Variants in KCNK2 observed in about 807,000 individuals in gnomAD.
KCNK2 encodes the protein potassium two pore domain channel subfamily K member 2.
In KCNK2, 21 loss-of-function variants were observed where a neutral mutation model predicts 40.5. The ratio of observed to expected loss-of-function variants is 0.52; its 90% CI spans 0.37 to 0.75. KCNK2 has a LOEUF of 0.75. Among genes scored for constraint, KCNK2 ranks in the 30% least tolerant of loss-of-function variants. The pLI is 0.00. For missense variants in KCNK2, 399 were observed against 531.6 expected, an observed-to-expected ratio of 0.75 and a Z score of 2.45; for synonymous variants, 191 against 202.2, an observed-to-expected ratio of 0.94 and a Z score of 0.47.
At chr1:215,071,830 C>T (rs911122850) in intron 1 of KCNK2, among the ~76,000 whole-genome samples, 3 of 152,086 alleles carry the variant, frequency 2.0e-5, no homozygotes, top group Non-Finnish European at 2.9e-5. Context: ...CAATAGAAGA[C>T]AGGTCCCATA....
At chr1:215,168,755 G>C (rs1057142551) in intron 3 of KCNK2, among the ~76,000 whole-genome samples, 1 of 151,872 alleles carries the variant, frequency 6.6e-6, no homozygotes, top group East Asian at 1.9e-4. Context: ...AATGTATGCA[G>C]GGCTTAAAAC....
chr1:215,175,905 G>A (rs138090406), intron 5 of KCNK2, among the ~76,000 whole-genome samples: 55 of 152,208 alleles, frequency 3.6e-4, no homozygotes, highest in African/African-American at 1.3e-3. Context: ...CACCACTGAT[G>A]GACACTTGGA....
intron 2 of KCNK2, among the ~76,000 whole-genome samples, chr1:215,094,682 G>T (rs1173326011): frequency 6.6e-6 from 1 of 151,728 alleles, no homozygotes; most frequent in Non-Finnish European, 1.5e-5. Context: ...TTAATAATTA[G>T]GTTTTTATTA....
At chr1:215,146,408 T>C (rs1222512801) in intron 3 of KCNK2, among the ~76,000 whole-genome samples, 3 of 152,172 alleles carry the variant, frequency 2.0e-5, no homozygotes, top group Non-Finnish European at 4.4e-5. Flanking sequence ...AGGATTTTAT[T>C]ATGTAAGTTG....
At chr1:215,171,902 TTCTCTCTCTCTCTCTTTGTCTCTCTC>T in intron 4 of KCNK2, 69 bp from the exon 5 acceptor site, 2 of 787,748 alleles carry the variant, frequency 2.5e-6, no homozygotes, top group Non-Finnish European at 3.6e-6. Context: ...TACAAGTAAT[TTCTCTCTCTCTCTCTTTGTCTCTCTC>T]TCTCTCTCTC....
chr1:215,055,120 T>C (rs2102502527), intron 1 of KCNK2, among the ~76,000 whole-genome samples: 1 of 152,346 alleles, frequency 6.6e-6, no homozygotes, highest in South Asian at 2.1e-4. Context: ...AATAACTAGT[T>C]TGTGTTATTT....
At chr1:215,021,537 C>A in intron 1 of KCNK2, among the ~76,000 whole-genome samples, 2 of 96,326 alleles carry the variant, frequency 2.1e-5, no homozygotes, top group East Asian at 3.2e-4. Flanking sequence ...GGACAACCAT[C>A]TTTTTTTTTT....
intron 2 of KCNK2, among the ~76,000 whole-genome samples, chr1:215,119,906 T>C (rs560362966): frequency 1.3e-5 from 2 of 152,304 alleles, no homozygotes; most frequent in South Asian, 4.1e-4. Context: ...ATGTTGAAAT[T>C]TCAGAGATTC....
At chr1:215,034,495 C>G (rs985956464) in intron 1 of KCNK2, among the ~76,000 whole-genome samples, 1 of 151,882 alleles carries the variant, frequency 6.6e-6, no homozygotes, top group Non-Finnish European at 1.5e-5. Context: ...TATAAGTAAC[C>G]GTCTGTTTTT....
chr1:215,181,511 A>G (rs1053120460), intron 5 of KCNK2, among the ~76,000 whole-genome samples: 2 of 152,140 alleles, frequency 1.3e-5, no homozygotes, highest in African/African-American at 4.8e-5. Flanking sequence ...TTATTTTTAT[A>G]TGAATAGCAT....
At chr1:215,213,192 C>G (rs1340315475) in intron 6 of KCNK2, among the ~76,000 whole-genome samples, 1 of 152,220 alleles carries the variant, frequency 6.6e-6, no homozygotes, top group Admixed American at 6.5e-5. Context: ...GGAATACTCA[C>G]ACACTTCCTG....
chr1:215,011,578 C>T (rs1656390222), intron 1 of KCNK2, among the ~76,000 whole-genome samples: 1 of 152,018 alleles, frequency 6.6e-6, no homozygotes, highest in South Asian at 2.1e-4. Flanking sequence ...AGGCGTGAGT[C>T]ACCATGCCCG....
At chr1:215,044,898 C>T (rs1373621488) in intron 1 of KCNK2, among the ~76,000 whole-genome samples, 1 of 151,884 alleles carries the variant, frequency 6.6e-6, no homozygotes, top group African/African-American at 2.4e-5. Flanking sequence ...AGGCCGGGCA[C>T]AGTGGCACAC....
At chr1:215,125,697 C>T (rs1661390180) in intron 3 of KCNK2, among the ~76,000 whole-genome samples, 1 of 144,946 alleles carries the variant, frequency 6.9e-6, no homozygotes, top group Non-Finnish European at 1.5e-5. Flanking sequence ...TGTAACAAAC[C>T]TGCACGTTGT....
intron 1 of KCNK2, among the ~76,000 whole-genome samples, chr1:215,020,287 G>C (rs1656746420): frequency 1.3e-5 from 2 of 152,132 alleles, no homozygotes; most frequent in South Asian, 4.1e-4. Flanking sequence ...GATAAAGTCT[G>C]GCTACAAAGA....
rs1451611563 is a variant in KCNK2 at position 215,029,706 on chromosome 1, AC to A, written c.34+23753del. 9.3e-5 allele frequency among the ~76,000 whole-genome samples: 14 copies of A among 150,670 alleles called. No individual in the cohort carries two copies. The Middle Eastern group carries it at 0.014, about 151-fold the overall frequency. The stretch of plus-strand genomic sequence containing the variant: ...AGAATATTATTTTTAAAATTAAATT[AC>A]CATCACTTAATATGATTATTAATAT... On this transcript the variant is annotated intron_variant, in intron 1 of 6. Transcript: ENST00000391895.
At chr1:215,094,221 C>G (rs974469509) in intron 2 of KCNK2, among the ~76,000 whole-genome samples, 5 of 151,636 alleles carry the variant, frequency 3.3e-5, no homozygotes, top group Middle Eastern at 3.4e-3. Context: ...TGGTTTTGCT[C>G]TTCTCATAAA....
chr1:215,079,130 C>T (rs1659053777), upstream of KCNK2, among the ~76,000 whole-genome samples: 1 of 152,150 alleles, frequency 6.6e-6, no homozygotes. Flanking sequence ...TTTCAGTTTG[C>T]TTATTCATTA....
chr1:215,030,660 G>A (rs1313653078), intron 1 of KCNK2, among the ~76,000 whole-genome samples: 2 of 150,940 alleles, frequency 1.3e-5, no homozygotes, highest in Non-Finnish European at 2.9e-5. Context: ...TCAGCCTCCC[G>A]AGTAGCTGGG....
Sources: gnomAD v4.1 joint callset for allele counts (sites outside exome capture counted in the v4.1 genomes callset) on GRCh38, gnomAD v4.1.1 for gene constraint, MANE v1.5 for transcripts, NCBI Gene and HGNC (gene_info 2026-07-23, HGNC 2026-07-21) for gene names.